The following IGF2BP2 variants were observed in gnomAD, a reference collection of about 807,000 sequenced individuals.
IGF2BP2 encodes the protein insulin like growth factor 2 mRNA binding protein 2.
A neutral mutation model predicts 75.8 loss-of-function variants in IGF2BP2; 17 were observed. The ratio of observed to expected loss-of-function variants is 0.22; its 90% CI spans 0.15 to 0.34. IGF2BP2 has a LOEUF of 0.34. Ranked by LOEUF, IGF2BP2 falls within the 10% of genes least tolerant of loss-of-function variation. The pLI, the probability that IGF2BP2 is intolerant of heterozygous loss-of-function variation, is 1.00. For missense variants in IGF2BP2, 516 were observed against 772.4 expected, an observed-to-expected ratio of 0.67 and a Z score of 3.93; for synonymous variants, 288 against 295.6, an observed-to-expected ratio of 0.97 and a Z score of 0.26.
intron 7 of IGF2BP2, 42 bp downstream of exon 7, chr3:185,687,015 T>A: frequency 6.3e-7 from 1 of 1,594,800 alleles, no homozygotes; most frequent in Non-Finnish European, 8.5e-7. Flanking sequence ...GAATCTACTC[T>A]TTTTCTCTGT....
At chr3:185,778,132 C>A (rs1257947657) in intron 2 of IGF2BP2, among the ~76,000 whole-genome samples, 1 of 152,084 alleles carries the variant, frequency 6.6e-6, no homozygotes, top group Non-Finnish European at 1.5e-5. Context: ...TATATTCATT[C>A]ATTCATTCAT....
At chr3:185,743,107 A>C (rs1213818932) in intron 2 of IGF2BP2, among the ~76,000 whole-genome samples, 1 of 152,062 alleles carries the variant, frequency 6.6e-6, no homozygotes, top group Admixed American at 6.5e-5. Context: ...TTAATAAATA[A>C]ACAAACAAAC....
chr3:185,703,165 A>G (rs190080407), intron 2 of IGF2BP2, among the ~76,000 whole-genome samples: 2 of 152,364 alleles, frequency 1.3e-5, no homozygotes, highest in African/African-American at 2.4e-5. Context: ...CAAACTGTAA[A>G]GAACTACAGA....
chr3:185,677,068 T>TATATATATATATATATATATATAGAG, intron 7 of IGF2BP2, among the ~76,000 whole-genome samples: 6 of 35,860 alleles, frequency 1.7e-4, no homozygotes, highest in Non-Finnish European at 1.9e-4. Flanking sequence ...TATATATATA[T>TATATATATATATATATATATATAGAG]AGAGAGAGAG....
chr3:185,677,256 C>T (rs1719700394), intron 7 of IGF2BP2, among the ~76,000 whole-genome samples: 3 of 151,702 alleles, frequency 2.0e-5, no homozygotes, highest in African/African-American at 7.3e-5. Context: ...ATGCATACAA[C>T]ATTTTGGCTT....
intron 2 of IGF2BP2, among the ~76,000 whole-genome samples, chr3:185,808,152 G>C (rs112151156): frequency 0.059 from 7,330 of 123,686 alleles, 324 homozygotes; most frequent in South Asian, 0.17. Flanking sequence ...AAGAAAGAAA[G>C]AAACAAACAA....
chr3:185,732,071 G>A (rs1033925549), intron 2 of IGF2BP2, among the ~76,000 whole-genome samples: 2 of 152,006 alleles, frequency 1.3e-5, no homozygotes, highest in African/African-American at 4.8e-5. Flanking sequence ...TGTTCTCTCT[G>A]GTCCATCTGG....
intron 2 of IGF2BP2, among the ~76,000 whole-genome samples, chr3:185,807,925 A>T (rs1319645751): frequency 6.6e-6 from 1 of 152,210 alleles, no homozygotes; most frequent in Admixed American, 6.5e-5. Context: ...GAGTCAGAAC[A>T]ATCCAGCTAA....
chr3:185,734,600 T>C (rs1658852539), intron 2 of IGF2BP2, among the ~76,000 whole-genome samples: 1 of 152,220 alleles, frequency 6.6e-6, no homozygotes, highest in Admixed American at 6.5e-5. Flanking sequence ...GCAATTATCT[T>C]TATAGGTTTC....
At chr3:185,677,706 A>G (rs1201819363) in intron 7 of IGF2BP2, among the ~76,000 whole-genome samples, 1 of 152,238 alleles carries the variant, frequency 6.6e-6, no homozygotes, top group Non-Finnish European at 1.5e-5. Flanking sequence ...ACAGACAGAC[A>G]ACTAAATAAA....
intron 2 of IGF2BP2, among the ~76,000 whole-genome samples, chr3:185,709,715 G>T (rs991695866): frequency 5.9e-5 from 9 of 152,160 alleles, no homozygotes; most frequent in Non-Finnish European, 1.2e-4. Context: ...GGAAACACAG[G>T]AGAGGGTTGG....
Position 185,658,466 on chromosome 3 carries a change from T to C in IGF2BP2, c.1201-57A>G. The C allele has an allele frequency of 2.0e-6, 3 of 1,474,278 alleles. No individual in the cohort carries two copies. In the South Asian group the frequency reaches 3.6e-5, roughly 18 times the overall value. The allele number at this position is 1,474,278 out of a possible 1,614,324, so 91.3% of individuals were successfully genotyped here. ...GTGCTCTCAGGGACTGTCACTGGCC[T>C]CAGGGAGGCCAGATTCCCAACATGC... On this transcript the variant is annotated intron_variant, in intron 10 of 15. Transcript: ENST00000382199.
intron 2 of IGF2BP2, among the ~76,000 whole-genome samples, chr3:185,784,449 G>A (rs535480510): frequency 2.0e-5 from 3 of 152,242 alleles, no homozygotes; most frequent in South Asian, 2.1e-4. Flanking sequence ...CATCCCACCC[G>A]TCAAAGGCCA....
chr3:185,743,417 A>T (rs1245143250), intron 2 of IGF2BP2, among the ~76,000 whole-genome samples: 1 of 152,102 alleles, frequency 6.6e-6, no homozygotes, highest in East Asian at 1.9e-4. Flanking sequence ...CTGGGATTAC[A>T]GGTGCGTGTC....
At chr3:185,670,956 C>T (rs1241439686) in intron 10 of IGF2BP2, among the ~76,000 whole-genome samples, 1 of 152,180 alleles carries the variant, frequency 6.6e-6, no homozygotes, top group Non-Finnish European at 1.5e-5. Flanking sequence ...GGTAGCCTAA[C>T]GTTTGAGGTT....
intron 2 of IGF2BP2, among the ~76,000 whole-genome samples, chr3:185,792,053 C>T (rs16860229): frequency 0.023 from 3,452 of 152,276 alleles, 79 homozygotes; most frequent in South Asian, 0.055. Context: ...TCCTTTATTT[C>T]CAAACCTCAC....
chr3:185,648,463 C>CA (rs560603469), intron 14 of IGF2BP2, among the ~76,000 whole-genome samples: 1,506 of 50,714 alleles, frequency 0.03, 23 homozygotes, highest in African/African-American at 0.071. Flanking sequence ...AACTCTGTCT[C>CA]AAAAAAAAAA....
intron 2 of IGF2BP2, among the ~76,000 whole-genome samples, chr3:185,710,152 A>ATTTTTTTTTTTTTTTTTTTTTTTTTTTT (rs567527407): frequency 8.5e-6 from 1 of 117,538 alleles, no homozygotes; most frequent in African/African-American, 3.3e-5. Flanking sequence ...GTAGTTTTAG[A>ATTTTTTTTTTTTTTTTTTTTTTTTTTTT]TTTTTTTTTT....
intron 2 of IGF2BP2, among the ~76,000 whole-genome samples, chr3:185,739,139 C>A (rs192576799): frequency 1.3e-5 from 2 of 152,126 alleles, no homozygotes; most frequent in Non-Finnish European, 2.9e-5. Flanking sequence ...GATTTAGCAG[C>A]GTTCTGAAAA....
Sources: gnomAD v4.1 joint callset for allele counts (sites outside exome capture counted in the v4.1 genomes callset) on GRCh38, gnomAD v4.1.1 for gene constraint, MANE v1.5 for transcripts, NCBI Gene and HGNC (gene_info 2026-07-23, HGNC 2026-07-21) for gene names.